The following CTNNA3 variants were observed in gnomAD, a reference collection of about 807,000 sequenced individuals.
The protein encoded by CTNNA3 is catenin alpha 3, also known as catenin alpha-3.
CTNNA3 carries 76 observed loss-of-function variants against 95.7 expected under a neutral mutation model. The observed-to-expected ratio is 0.79, with a 90% confidence interval of 0.66 to 0.96. The LOEUF is 0.96. CTNNA3 is among the 40% of genes least tolerant of loss of function. The pLI is 0.00. For synonymous variants in CTNNA3, 431 were observed against 374.4 expected, an observed-to-expected ratio of 1.15 and a Z score of -1.74; for missense variants, 1,191 against 1,089.8, an observed-to-expected ratio of 1.09 and a Z score of -1.31.
intron 15 of CTNNA3, among the ~76,000 whole-genome samples, chr10:66,041,339 A>G (rs61646490): frequency 0.21 from 31,352 of 152,116 alleles, 3,362 homozygotes; most frequent in South Asian, 0.34. Context: ...CAATTAGTAA[A>G]AGAACTGGTG....
chr10:67,601,750 T>C (rs1843090419), intron 3 of CTNNA3, among the ~76,000 whole-genome samples: 1 of 152,224 alleles, frequency 6.6e-6, no homozygotes, highest in East Asian at 1.9e-4. Flanking sequence ...ATTGGTAGTG[T>C]AGGAGTAAGC....
In CTNNA3 at chr10:67,155,664, G is replaced by C. The variant is rs990789790; in HGVS notation, c.1047+24653C>G. On this transcript the variant is annotated intron_variant, in intron 7 of 17. Coordinates refer to ENST00000433211, the MANE Select transcript of CTNNA3 (RefSeq NM_013266.4). ...ATTGTGTTATAATTGTTTTATCCAT[G>C]ATTGGCTTCCATCTTCTTTATCAGT... is the stretch of plus-strand genomic sequence containing the variant. Among the ~76,000 whole-genome samples the C allele has an allele frequency of 3.9e-5, 6 of 152,052 alleles. No homozygotes were observed. In the South Asian group the frequency reaches 1.0e-3, roughly 26 times the overall value.
chr10:66,456,741 C>A (rs1426914388), intron 11 of CTNNA3, among the ~76,000 whole-genome samples: 1 of 151,972 alleles, frequency 6.6e-6, no homozygotes, highest in African/African-American at 2.4e-5. Flanking sequence ...CTCACTTTAT[C>A]CAAAATTTAA....
chr10:66,104,288 T>G (rs1014448993), intron 13 of CTNNA3, among the ~76,000 whole-genome samples: 5 of 152,210 alleles, frequency 3.3e-5, no homozygotes, highest in African/African-American at 1.2e-4. Flanking sequence ...ATCATTATAC[T>G]TTAATATATC....
At chr10:66,170,196 A>T (rs972513025) in intron 13 of CTNNA3, among the ~76,000 whole-genome samples, 31 of 143,638 alleles carry the variant, frequency 2.2e-4, no homozygotes, top group Non-Finnish European at 3.8e-4. Context: ...TGATTTTTGT[A>T]TAAGGTGAGA....
At chr10:67,091,295 ATTTC>A (rs887981459) in intron 7 of CTNNA3, among the ~76,000 whole-genome samples, 3 of 152,038 alleles carry the variant, frequency 2.0e-5, no homozygotes, top group African/African-American at 4.8e-5. Flanking sequence ...AAATTAAAAC[ATTTC>A]TTTAAGTAAA....
intron 11 of CTNNA3, among the ~76,000 whole-genome samples, chr10:66,501,451 T>C (rs1260047077): frequency 6.6e-6 from 1 of 152,130 alleles, no homozygotes; most frequent in Non-Finnish European, 1.5e-5. Flanking sequence ...TTTCCCCCAT[T>C]AGACTATAGA....
At chr10:66,386,703 A>G (rs2092895714) in intron 11 of CTNNA3, among the ~76,000 whole-genome samples, 1 of 152,188 alleles carries the variant, frequency 6.6e-6, no homozygotes, top group African/African-American at 2.4e-5. Flanking sequence ...ACTATACTAC[A>G]AGGCTACAGT....
chr10:66,623,211 T>G (rs1161851786), intron 9 of CTNNA3, among the ~76,000 whole-genome samples: 2 of 151,972 alleles, frequency 1.3e-5, no homozygotes, highest in Non-Finnish European at 2.9e-5. Context: ...CACACTGCAT[T>G]TGCAAAAAAT....
chr10:66,537,024 C>T (rs149892611), intron 10 of CTNNA3, among the ~76,000 whole-genome samples: 1 of 151,204 alleles, frequency 6.6e-6, no homozygotes, highest in Non-Finnish European at 1.5e-5. Flanking sequence ...AGAAGCAAAG[C>T]ATTTTCTGTC....
intron 17 of CTNNA3, among the ~76,000 whole-genome samples, chr10:65,962,718 C>T: frequency 6.6e-6 from 1 of 151,106 alleles, no homozygotes; most frequent in Non-Finnish European, 1.5e-5. Context: ...CCCCCCACCC[C>T]CCGACAGGCC....
intron 11 of CTNNA3, among the ~76,000 whole-genome samples, chr10:66,388,519 CTT>C (rs1475134963): frequency 6.6e-6 from 1 of 151,900 alleles, no homozygotes; most frequent in Admixed American, 6.6e-5. Context: ...TTTTCTGGTT[CTT>C]TTTTTGTTTG....
At chr10:66,638,677 A>G (rs1213240406) in intron 9 of CTNNA3, among the ~76,000 whole-genome samples, 1 of 152,082 alleles carries the variant, frequency 6.6e-6, no homozygotes, top group Non-Finnish European at 1.5e-5. Flanking sequence ...TTCAGTCTCT[A>G]CATAATCAAT....
At chr10:66,489,657 C>T (rs1839855464) in intron 11 of CTNNA3, among the ~76,000 whole-genome samples, 1 of 152,138 alleles carries the variant, frequency 6.6e-6, no homozygotes, top group Non-Finnish European at 1.5e-5. Flanking sequence ...GAAGCCTTCC[C>T]TCTCCTTTAC....
At chr10:67,467,931 A>C (rs1203489409) in intron 5 of CTNNA3, among the ~76,000 whole-genome samples, 21 of 151,712 alleles carry the variant, frequency 1.4e-4, no homozygotes, top group Admixed American at 1.4e-3. Context: ...CGCTGGTCTC[A>C]AACTCCTGGG....
rs954784342 is a variant in CTNNA3 at position 66,380,617 on chromosome 10, CTATCTATCTATATATATATA to C, written c.1532-1285_1532-1266del. ...AGTGAGGCCCTATCTATCTATCTAT[CTATCTATCTATATATATATA>C]TATATTAAATTAATTATATATAGTT... On this transcript the variant is annotated intron_variant, in intron 11 of 17. Coordinates refer to ENST00000433211, the MANE Select transcript of CTNNA3 (RefSeq NM_013266.4). 2.9e-4 allele frequency among the ~76,000 whole-genome samples: 33 copies of C among 114,804 alleles called. No individual in the cohort carries two copies. In the East Asian group the frequency reaches 5.9e-3, roughly 20 times the overall value. The allele number at this position is 114,804 out of a possible 152,430, so 75.3% of individuals were successfully genotyped here.
intron 15 of CTNNA3, among the ~76,000 whole-genome samples, chr10:66,009,346 G>A (rs1435469803): frequency 1.3e-5 from 2 of 152,042 alleles, no homozygotes; most frequent in South Asian, 2.1e-4. Flanking sequence ...CTTAAGGAGG[G>A]TTATAAATCC....
intron 13 of CTNNA3, among the ~76,000 whole-genome samples, chr10:66,195,902 A>G (rs2086932438): frequency 6.6e-6 from 1 of 152,192 alleles, no homozygotes; most frequent in Non-Finnish European, 1.5e-5. Context: ...ATAAATTAAT[A>G]TTTTAAAGAA....
chr10:67,606,776 CA>C (rs1242746332), intron 3 of CTNNA3, 80 bp downstream of exon 3: 38 of 1,183,658 alleles, frequency 3.2e-5, no homozygotes, highest in Non-Finnish European at 4.1e-5. Context: ...CCAACAAAAA[CA>C]AAACACTCAC....
Sources: allele counts gnomAD v4.1 joint callset (sites outside exome capture counted in the v4.1 genomes callset), GRCh38; gene constraint gnomAD v4.1.1; transcripts MANE v1.5; gene names NCBI Gene and HGNC (gene_info 2026-07-23, HGNC 2026-07-21).